The following PPP6R2 variants were observed in gnomAD, a reference collection of about 807,000 sequenced individuals.
PPP6R2 encodes the protein protein phosphatase 6 regulatory subunit 2.
Under a neutral mutation model 100.2 loss-of-function variants are expected in PPP6R2, and 62 were observed. That is an observed-to-expected ratio of 0.62 (90% CI 0.50 to 0.76). The LOEUF (loss-of-function observed/expected upper bound fraction) is 0.76, where lower values mean the gene tolerates loss of function less well. PPP6R2 is among the 30% of genes least tolerant of loss of function. The probability of loss-of-function intolerance (pLI) is 0.00; values close to 1 mark genes in which losing one functional copy is unlikely to be tolerated. For synonymous variants in PPP6R2, 525 were observed against 514.7 expected, an observed-to-expected ratio of 1.02 and a Z score of -0.27; for missense variants, 1,142 against 1,276.3, an observed-to-expected ratio of 0.89 and a Z score of 1.60.
chr22:50,435,180 A>T, intron 13 of PPP6R2, 99 bp downstream of exon 13: 2 of 982,008 alleles, frequency 2.0e-6, no homozygotes, highest in Non-Finnish European at 2.9e-6. Flanking sequence ...GCAGGTGCTG[A>T]CTGCACTGAC....
At chr22:50,355,237 T>TTG (rs1215971601) in intron 1 of PPP6R2, among the ~76,000 whole-genome samples, 16 of 151,406 alleles carry the variant, frequency 1.1e-4, no homozygotes, top group African/African-American at 3.9e-4. Flanking sequence ...TTCTTTTTTT[T>TTG]TTTTTTTTTT....
chr22:50,361,054 T>G (rs1172235298), intron 1 of PPP6R2, among the ~76,000 whole-genome samples: 2 of 152,144 alleles, frequency 1.3e-5, no homozygotes, highest in African/African-American at 4.8e-5. Context: ...AGACTTGACT[T>G]CTCTCTCCTC....
intron 10 of PPP6R2, among the ~76,000 whole-genome samples, chr22:50,428,830 G>C (rs1051790181): frequency 1.3e-5 from 2 of 151,892 alleles, no homozygotes; most frequent in African/African-American, 2.4e-5. Context: ...TTGCCTAATT[G>C]CTCTGGCTGG....
chr22:50,374,911 CAAAAAAA>C lies in PPP6R2; in HGVS notation c.-17+2775_-17+2781del, dbSNP rs60035779. ...CCTGGGCGAGAGCGAGACTCTGTCT[CAAAAAAA>C]AAAAAAAAAAAAAGAGAAAAAGAAA... On this transcript the variant is annotated intron_variant, in intron 2 of 23. Coordinates refer to ENST00000612753, the MANE Select transcript of PPP6R2 (RefSeq NM_001242898.2). Among the ~76,000 whole-genome samples, 263 of 80,964 alleles carry C rather than the reference CAAAAAAA, an allele frequency of 3.2e-3. 1 individual carries two copies. The highest frequency in any genetic ancestry group is 0.011 in the African/African-American group (243 of 21,316). The allele number at this position is 80,964 out of a possible 152,430, so 53.1% of individuals were successfully genotyped here.
intron 1 of PPP6R2, among the ~76,000 whole-genome samples, chr22:50,365,345 A>G (rs1372118131): frequency 6.6e-6 from 1 of 151,800 alleles, no homozygotes; most frequent in Non-Finnish European, 1.5e-5. Context: ...TGCTGGGATT[A>G]CAGGTATGAG....
At chr22:50,340,569 G>GTGTGGTA (rs769813561), upstream of PPP6R2, among the ~76,000 whole-genome samples, 1 of 142,178 alleles carries the variant, frequency 7.0e-6, no homozygotes, top group South Asian at 2.3e-4. Flanking sequence ...TATGTAGTGT[G>GTGTGGTA]TGTGGTATGT....
chr22:50,340,591 TGTGTGTGTG>T (rs2042362070), upstream of PPP6R2, among the ~76,000 whole-genome samples: 1 of 106,444 alleles, frequency 9.4e-6, no homozygotes, highest in Non-Finnish European at 1.9e-5. Context: ...GTGTGTGGTG[TGTGTGTGTG>T]GTGTGTGGTG....
At chr22:50,408,733 A>G (rs185886613) in intron 4 of PPP6R2, among the ~76,000 whole-genome samples, 3 of 152,320 alleles carry the variant, frequency 2.0e-5, no homozygotes, top group Admixed American at 2.0e-4. Context: ...TATTTTCTTT[A>G]TAATTTTACT....
intron 2 of PPP6R2, among the ~76,000 whole-genome samples, chr22:50,386,423 G>C (rs1436246281): frequency 1.3e-5 from 2 of 152,210 alleles, no homozygotes; most frequent in Non-Finnish European, 2.9e-5. Flanking sequence ...TTACAGGTGT[G>C]AGCCACTACG....
chr22:50,349,753 T>C (rs2044596477), intron 1 of PPP6R2, among the ~76,000 whole-genome samples: 1 of 149,292 alleles, frequency 6.7e-6, no homozygotes, highest in African/African-American at 2.5e-5. Context: ...AAGCGGAGGT[T>C]GCAGTGAGCC....
intron 15 of PPP6R2, 55 bp downstream of exon 15, chr22:50,437,123 C>T (rs1253542047): frequency 7.5e-6 from 11 of 1,474,862 alleles, no homozygotes; most frequent in Middle Eastern, 2.3e-4. Context: ...CACCTGTGTG[C>T]GCTGCGCTTG....
At chr22:50,396,089 G>A (rs999642399) in intron 3 of PPP6R2, among the ~76,000 whole-genome samples, 12 of 151,230 alleles carry the variant, frequency 7.9e-5, no homozygotes, top group South Asian at 2.1e-4. Flanking sequence ...CAGCTACTCC[G>A]GGAGGCTGAA....
At chr22:50,432,591 G>A (rs1031967597) in intron 12 of PPP6R2, among the ~76,000 whole-genome samples, 15 of 152,140 alleles carry the variant, frequency 9.9e-5, no homozygotes, top group Admixed American at 8.5e-4. Flanking sequence ...TCTGGCCCCC[G>A]CCCAGCCTGG....
intron 2 of PPP6R2, among the ~76,000 whole-genome samples, chr22:50,381,116 A>C (rs575710353): frequency 6.9e-6 from 1 of 145,132 alleles, no homozygotes; most frequent in Admixed American, 6.8e-5. Flanking sequence ...CTTTGTCTCA[A>C]AAAAAAAAAA....
rs754801240 is a variant in PPP6R2 at position 50,436,360 on chromosome 22, C to T, written c.1517-7C>T. ...CCAGGGCTCACCAGGCAGCACTTCC[C>T]TTGCAGGGCTCCCTGCGGACTGCCG... is the stretch of plus-strand genomic sequence containing the variant. On this transcript the variant is annotated splice_region_variant and splice_polypyrimidine_tract_variant and intron_variant, in intron 13 of 23. Coordinates refer to ENST00000612753, the MANE Select transcript of PPP6R2 (RefSeq NM_001242898.2). The T allele has an allele frequency of 1.9e-6, 3 of 1,566,802 alleles. No homozygotes were observed.
At chr22:50,349,384 A>C (rs1383826245) in intron 1 of PPP6R2, among the ~76,000 whole-genome samples, 3 of 147,154 alleles carry the variant, frequency 2.0e-5, no homozygotes, top group African/African-American at 7.5e-5. Flanking sequence ...AAAAAAAAAA[A>C]CGGGCTGGAC....
At chr22:50,440,785 C>T (rs1308430393) in intron 21 of PPP6R2, 37 bp from the exon 22 acceptor site, 1 of 1,607,036 alleles carries the variant, frequency 6.2e-7, no homozygotes, top group Non-Finnish European at 8.5e-7. Flanking sequence ...GTGACCCCTC[C>T]TGCCTCACTG....
intron 2 of PPP6R2, among the ~76,000 whole-genome samples, chr22:50,385,898 A>T (rs2054149051): frequency 7.7e-6 from 1 of 130,464 alleles, no homozygotes; most frequent in Non-Finnish European, 1.5e-5. Context: ...ATCTAGGCTC[A>T]CTGCAAGCTC....
At chr22:50,355,231 T>TCTTC (rs200286987) in intron 1 of PPP6R2, among the ~76,000 whole-genome samples, 11 of 119,448 alleles carry the variant, frequency 9.2e-5, no homozygotes, top group Non-Finnish European at 1.4e-4. Context: ...GCAGCCTTCT[T>TCTTC]TTTTTTTTTT....
Sources: gnomAD v4.1 joint callset for allele counts (sites outside exome capture counted in the v4.1 genomes callset) on GRCh38, gnomAD v4.1.1 for gene constraint, MANE v1.5 for transcripts, NCBI Gene and HGNC (gene_info 2026-07-23, HGNC 2026-07-21) for gene names.